FBXO34: variants seen among roughly 807,000 people sequenced by gnomAD.
FBXO34 encodes F-box only protein 34.
In FBXO34, 12 loss-of-function variants were observed where a neutral mutation model predicts 24.5. The observed-to-expected ratio is 0.49, with a 90% CI of 0.31 to 0.79. The LOEUF (loss-of-function observed/expected upper bound fraction) is 0.79. Ranked by LOEUF, FBXO34 falls within the 30% of genes least tolerant of loss-of-function variation. FBXO34 has a pLI of 0.04. For missense variants in FBXO34, 823 were observed against 857.7 expected (o/e 0.96, Z 0.51); for synonymous variants, 320 against 311.9 (o/e 1.03, Z -0.27).
At chr14:55,378,378 C>T in the FBXO34 span, among the ~76,000 whole-genome samples, 1 of 152,212 alleles carries the variant, frequency 6.6e-6, no homozygotes, top group Non-Finnish European at 1.5e-5. Context: ...GAAGCATCAA[C>T]AGCAGACTGG....
chr14:55,421,084 A>AAGAAATT, the FBXO34 span, among the ~76,000 whole-genome samples: 1 of 151,824 alleles, frequency 6.6e-6, no homozygotes, highest in Non-Finnish European at 1.5e-5. Context: ...AAAAAGAAAA[A>AAGAAATT]AGAAATTTGG....
chr14:55,288,499 A>C (rs559578377), intron 1 of FBXO34, among the ~76,000 whole-genome samples: 1 of 152,214 alleles, frequency 6.6e-6, no homozygotes, highest in Non-Finnish European at 1.5e-5. Flanking sequence ...TTATATTCAC[A>C]TATTTTAAAA....
At chr14:55,411,893 G>A in the FBXO34 span, 1 of 1,400,898 alleles carries the variant, frequency 7.1e-7, no homozygotes, top group Non-Finnish European at 9.7e-7. Context: ...CCAGGAGGAG[G>A]GGCCTGGGGA....
chr14:55,426,524 AG>A, the FBXO34 span, among the ~76,000 whole-genome samples: 1 of 152,140 alleles, frequency 6.6e-6, no homozygotes, highest in East Asian at 1.9e-4. Context: ...AGACAATTAG[AG>A]AGGCCTCATG....
At position 55,313,018 on chromosome 14, in the gene FBXO34, T is replaced by A. The variant is rs1882800358; in HGVS notation, c.-10-37363T>A. Among the ~76,000 whole-genome samples the A allele has an allele frequency of 3.9e-5, 6 of 152,232 alleles. No individual in the cohort carries two copies. In the South Asian group the frequency reaches 1.0e-3, roughly 26 times the overall value. On this transcript the variant is annotated intron_variant, in intron 1 of 1. Transcript: ENST00000313833. ...CTGTCACATCATCAGGCTGCAAATTTTCCAAACTTTTATGCTCTGCTTCCT... is the reference window on the plus strand; with the variant it reads ...CTGTCACATCATCAGGCTGCAAATTATCCAAACTTTTATGCTCTGCTTCCT...
chr14:55,312,160 A>C (rs1882765202), intron 1 of FBXO34, among the ~76,000 whole-genome samples: 1 of 152,000 alleles, frequency 6.6e-6, no homozygotes, highest in Admixed American at 6.5e-5. Context: ...AGATCACACC[A>C]CTGCACTCCA....
At chr14:55,277,979 A>G (rs1425973535) in intron 1 of FBXO34, among the ~76,000 whole-genome samples, 2 of 152,138 alleles carry the variant, frequency 1.3e-5, no homozygotes, top group African/African-American at 4.8e-5. Context: ...ACTTCTAGAA[A>G]CAAACCCCTG....
the FBXO34 span, chr14:55,414,353 A>G: frequency 8.4e-6 from 13 of 1,548,306 alleles, no homozygotes; most frequent in Admixed American, 2.4e-4. Context: ...TCAAACCAGA[A>G]TAATGTGAGA....
chr14:55,438,002 A>G, the FBXO34 span, among the ~76,000 whole-genome samples: 1 of 152,240 alleles, frequency 6.6e-6, no homozygotes, highest in Non-Finnish European at 1.5e-5. Flanking sequence ...TGTGCACCTG[A>G]GGAAAGCAAC....
At position 55,323,023 on chromosome 14, in the gene FBXO34, A is replaced by ACAAAAAAAAAAC. The variant is rs1384609998; in HGVS notation, c.-10-27358_-10-27357insCAAAAAAAAAAC. 7.9e-4 allele frequency among the ~76,000 whole-genome samples: 101 copies of ACAAAAAAAAAAC among 127,940 alleles called. 2 individuals are homozygous for ACAAAAAAAAAAC. Among genetic ancestry groups the ACAAAAAAAAAAC allele is most frequent in the Admixed American group, 2.6e-3 (34 of 12,920 alleles). The allele number at this position is 127,940 out of a possible 152,430, so 83.9% of individuals were successfully genotyped here. On this transcript the variant is annotated intron_variant, in intron 1 of 1. Transcript: ENST00000313833. ...CCCATCTCTACTAAAAATACAAAAA[A>ACAAAAAAAAAAC]AAAAAAAAAAGCAAAAACGGGCATG...
At chr14:55,300,791 A>G (rs1882326778) in intron 1 of FBXO34, among the ~76,000 whole-genome samples, 1 of 152,216 alleles carries the variant, frequency 6.6e-6, no homozygotes, top group Admixed American at 6.5e-5. Context: ...GTGTAATGAA[A>G]TGTCGGTCAT....
At chr14:55,315,856 GTGAGTAAT>G (rs1882909097) in intron 1 of FBXO34, among the ~76,000 whole-genome samples, 2 of 152,200 alleles carry the variant, frequency 1.3e-5, no homozygotes, top group South Asian at 4.2e-4. Context: ...TTCCATCATT[GTGAGTAAT>G]TATGAACCCC....
At chr14:55,435,278 AT>A in the FBXO34 span, among the ~76,000 whole-genome samples, 238 of 143,826 alleles carry the variant, frequency 1.7e-3, no homozygotes, top group Middle Eastern at 3.5e-3. Context: ...GTCAGGTGAA[AT>A]TTTTTTTTTT....
At chr14:55,378,162 C>T in the FBXO34 span, 4 of 1,086,998 alleles carry the variant, frequency 3.7e-6, no homozygotes, top group East Asian at 5.1e-5. Context: ...TTAGGTATAA[C>T]ACATACTCTG....
At chr14:55,280,623 T>C (rs2139642777) in intron 1 of FBXO34, among the ~76,000 whole-genome samples, 1 of 146,090 alleles carries the variant, frequency 6.8e-6, no homozygotes, top group East Asian at 2.0e-4. Flanking sequence ...GCCTCCCAGG[T>C]TCACACCATT....
chr14:55,290,680 C>T (rs1881916656), intron 1 of FBXO34, among the ~76,000 whole-genome samples: 1 of 152,208 alleles, frequency 6.6e-6, no homozygotes, highest in Admixed American at 6.5e-5. Context: ...GCTGTCACTT[C>T]ATAGCAGTTT....
chr14:55,325,512 G>A (rs760839719), intron 1 of FBXO34, among the ~76,000 whole-genome samples: 1 of 151,266 alleles, frequency 6.6e-6, no homozygotes, highest in Non-Finnish European at 1.5e-5. Context: ...TTTCACTCTT[G>A]TTGCCCAGGC....
intron 1 of FBXO34, among the ~76,000 whole-genome samples, chr14:55,283,942 C>CTG (rs376134482): frequency 0.15 from 20,030 of 130,788 alleles, 1,431 homozygotes; most frequent in Non-Finnish European, 0.17. Context: ...CATTCTAAGA[C>CTG]TATGTGTGTG....
intron 1 of FBXO34, among the ~76,000 whole-genome samples, chr14:55,323,113 A>G (rs1336221806): frequency 4.7e-5 from 6 of 126,996 alleles, no homozygotes; most frequent in African/African-American, 1.5e-4. Flanking sequence ...TGAACCCGGG[A>G]GGCAGAGCTT....
Sources: gnomAD v4.1 joint callset for allele counts (sites outside exome capture counted in the v4.1 genomes callset) on GRCh38, gnomAD v4.1.1 for gene constraint, MANE v1.5 for transcripts, NCBI Gene and HGNC (gene_info 2026-07-23, HGNC 2026-07-21) for gene names.